DTNA: variants seen among roughly 807,000 people sequenced by gnomAD.
DTNA encodes the protein dystrobrevin alpha.
DTNA carries 43 observed loss-of-function variants against 100.7 expected under a neutral mutation model. The ratio of observed to expected loss-of-function variants is 0.43; its 90% CI spans 0.33 to 0.55. DTNA has a LOEUF of 0.55. Among genes scored for constraint, DTNA ranks in the 20% least tolerant of loss-of-function variants. The pLI is 0.04. For missense variants in DTNA, 798 were observed against 953.9 expected (o/e 0.84, Z 2.15); for synonymous variants, 349 against 347.9 (o/e 1.00, Z -0.04).
intron 17 of DTNA, 22 bp from the exon 18 acceptor site, chr18:34,875,217 A>G (rs1168023609): frequency 1.2e-6 from 2 of 1,611,250 alleles, no homozygotes; most frequent in Non-Finnish European, 1.7e-6. Flanking sequence ...AAGCAAATTA[A>G]TGACCTGCAT....
chr18:34,529,667 A>T (rs1454317021), intron 1 of DTNA, among the ~76,000 whole-genome samples: 1 of 152,128 alleles, frequency 6.6e-6, no homozygotes. Context: ...TAATGAACAA[A>T]ATCTATGTAA....
intron 1 of DTNA, chr18:34,513,449 A>T (rs146039793): frequency 6.6e-6 from 1 of 152,290 alleles, no homozygotes; most frequent in East Asian, 1.9e-4. Flanking sequence ...CAATACCTAA[A>T]ATGTTTCTCT....
At chr18:34,876,055 A>G (rs1300855191) in intron 18 of DTNA, among the ~76,000 whole-genome samples, 1 of 152,198 alleles carries the variant, frequency 6.6e-6, no homozygotes, top group African/African-American at 2.4e-5. Flanking sequence ...TAAAAAAATC[A>G]TTCTGTAGAC....
chr18:34,754,229 A>T (rs1467001533), intron 1 of DTNA, among the ~76,000 whole-genome samples: 1 of 148,294 alleles, frequency 6.7e-6, no homozygotes, highest in South Asian at 2.1e-4. Context: ...TTTACCACCA[A>T]TTTTTTTTTT....
At chr18:34,682,198 C>T (rs562052888) in intron 1 of DTNA, among the ~76,000 whole-genome samples, 2 of 152,020 alleles carry the variant, frequency 1.3e-5, no homozygotes, top group Admixed American at 6.6e-5. Context: ...TATCTATTAA[C>T]CTATTGGAGG....
At chr18:34,879,881 C>T (rs558583536) in intron 20 of DTNA, among the ~76,000 whole-genome samples, 162 bp downstream of exon 20, 28 of 152,202 alleles carry the variant, frequency 1.8e-4, no homozygotes, top group Admixed American at 1.5e-3. Context: ...CATTTAAATT[C>T]GGCATTGTAA....
At position 34,815,893 on chromosome 18, in the gene DTNA, G is replaced by A. The variant is rs768004158; in HGVS notation, c.604-16G>A. 1.2e-6 allele frequency: 2 copies of A among 1,606,428 alleles called. No homozygotes were observed. Among genetic ancestry groups the A allele is most frequent in the Non-Finnish European group, 8.5e-7 (1 of 1,173,194 alleles). ...TGATTCTCTGTCCTAAATTTATGGG[G>A]GGTTTTTTTATGCAGAAAAAAGTCA... On this transcript the variant is annotated splice_polypyrimidine_tract_variant and intron_variant, in intron 6 of 22. Coordinates refer to ENST00000444659, the MANE Select transcript of DTNA (RefSeq NM_001386795.1).
intron 1 of DTNA, among the ~76,000 whole-genome samples, chr18:34,588,531 C>A (rs922066981): frequency 6.6e-6 from 1 of 152,152 alleles, no homozygotes; most frequent in Non-Finnish European, 1.5e-5. Flanking sequence ...TCTTCTATGT[C>A]TCTTTAGACA....
chr18:34,768,976 C>G (rs1325281840), intron 3 of DTNA, among the ~76,000 whole-genome samples: 1 of 152,012 alleles, frequency 6.6e-6, no homozygotes, highest in Non-Finnish European at 1.5e-5. Context: ...GTAGGACTTT[C>G]CTAGAGAAGG....
At chr18:34,594,049 GA>G (rs553442236) in intron 1 of DTNA, among the ~76,000 whole-genome samples, 5 of 150,822 alleles carry the variant, frequency 3.3e-5, no homozygotes, top group Non-Finnish European at 5.9e-5. Flanking sequence ...AAGCAACTGA[GA>G]AAAAAAATAG....
intron 1 of DTNA, among the ~76,000 whole-genome samples, chr18:34,494,884 A>G (rs2144342833): frequency 6.6e-6 from 1 of 152,280 alleles, no homozygotes; most frequent in African/African-American, 2.4e-5. Flanking sequence ...TCTTTAAAAA[A>G]TAATGGTTTT....
chr18:34,861,145 C>A (rs1035973064), intron 16 of DTNA, among the ~76,000 whole-genome samples: 1 of 151,780 alleles, frequency 6.6e-6, no homozygotes, highest in African/African-American at 2.4e-5. Context: ...TTAATATAAA[C>A]CCATATTAAA....
chr18:34,846,116 A>G (rs1540062), intron 13 of DTNA, among the ~76,000 whole-genome samples: 1 of 152,134 alleles, frequency 6.6e-6, no homozygotes, highest in African/African-American at 2.4e-5. Flanking sequence ...ACACTGGACC[A>G]ATATTATCGA....
intron 10 of DTNA, chr18:34,828,940 A>T (rs2095930421): frequency 5.3e-6 from 7 of 1,327,180 alleles, no homozygotes; most frequent in African/African-American, 1.4e-5. Context: ...ACCTGATGTG[A>T]TGTTTAGAAA....
At chr18:34,625,300 A>G (rs2057165070) in intron 1 of DTNA, among the ~76,000 whole-genome samples, 1 of 152,120 alleles carries the variant, frequency 6.6e-6, no homozygotes, top group Admixed American at 6.5e-5. Flanking sequence ...AAGTGCTGGG[A>G]TTACAGGTGT....
intron 1 of DTNA, among the ~76,000 whole-genome samples, chr18:34,550,627 CA>C (rs1301447974): frequency 6.6e-6 from 1 of 152,034 alleles, no homozygotes; most frequent in East Asian, 1.9e-4. Flanking sequence ...AATGCATTGT[CA>C]AAAGAACAAT....
At chr18:34,770,972 G>T (rs1394483406) in intron 3 of DTNA, among the ~76,000 whole-genome samples, 1 of 151,880 alleles carries the variant, frequency 6.6e-6, no homozygotes, top group Non-Finnish European at 1.5e-5. Flanking sequence ...AGTAGAGAGA[G>T]GGTTTCACCA....
intron 1 of DTNA, among the ~76,000 whole-genome samples, chr18:34,744,007 G>A (rs1283271955): frequency 6.6e-6 from 1 of 152,066 alleles, no homozygotes; most frequent in African/African-American, 2.4e-5. Flanking sequence ...AAGCACACAA[G>A]AGCCATTATT....
At position 34,838,184 on chromosome 18, in the gene DTNA, CAGAGTGTACTGGAACCCTGCATTAACT is replaced by C; in HGVS notation, c.1253+15_1253+41del. On this transcript the variant is annotated intron_variant, in intron 12 of 22. Coordinates refer to ENST00000444659, the MANE Select transcript of DTNA (RefSeq NM_001386795.1). ...TGAAGGGCAAAGGGTAAGTTACAGC[CAGAGTGTACTGGAACCCTGCATTAACT>C]AAACTAAAAATGGAGATTTCTTTTG... 1 of 1,613,550 alleles carries C rather than the reference CAGAGTGTACTGGAACCCTGCATTAACT, an allele frequency of 6.2e-7. No homozygotes were observed. The highest frequency in any genetic ancestry group is 8.5e-7 in the Non-Finnish European group (1 of 1,179,626).
Sources: gnomAD v4.1 joint callset for allele counts (sites outside exome capture counted in the v4.1 genomes callset) on GRCh38, gnomAD v4.1.1 for gene constraint, MANE v1.5 for transcripts, NCBI Gene and HGNC (gene_info 2026-07-23, HGNC 2026-07-21) for gene names.